Variants in PI4KA observed in about 807,000 individuals in gnomAD.
The protein encoded by PI4KA is phosphatidylinositol 4-kinase alpha.
A neutral mutation model predicts 271.4 loss-of-function variants in PI4KA; 122 were observed. The observed-to-expected ratio is 0.45, with a 90% CI of 0.39 to 0.52. The LOEUF (loss-of-function observed/expected upper bound fraction) is 0.52. Ranked by LOEUF, PI4KA falls within the 20% of genes least tolerant of loss-of-function variation. The pLI is 0.00. For missense variants in PI4KA, 1,969 were observed against 2,769.1 expected, an observed-to-expected ratio of 0.71 and a Z score of 6.48; for synonymous variants, 1,041 against 1,078.8, an observed-to-expected ratio of 0.96 and a Z score of 0.69.
chr22:20,851,303 T>G (rs117686089), intron 1 of PI4KA, among the ~76,000 whole-genome samples: 232 of 152,236 alleles, frequency 1.5e-3, no homozygotes, highest in Non-Finnish European at 3.0e-3. Flanking sequence ...GGTGCCATCT[T>G]TTGCTTTCAT....
At chr22:20,788,083 C>T (rs1934386429) in intron 19 of PI4KA, among the ~76,000 whole-genome samples, 1 of 152,214 alleles carries the variant, frequency 6.6e-6, no homozygotes, top group Non-Finnish European at 1.5e-5. Flanking sequence ...CAAGTGAAAT[C>T]CACAGAGGCT....
At position 20,733,022 on chromosome 22, in the gene PI4KA, C is replaced by A. The variant is rs567743500; in HGVS notation, c.4237G>T (p.Ala1413Ser). Reference protein sequence around the residue: ...DISIMIKFWTAMFSDKKYLTA... With the variant: ...DISIMIKFWTSMFSDKKYLTA... ...AGGTACTTCTTATCTGAGAACATGG[C>A]GGTCCAAAATTTAATCATGATGCTT... Residue 1413 changes from alanine to serine, a missense_variant, in exon 36 of 55, where the codon GCC (alanine) becomes TCC (serine). Around this residue, in one of 13 missense-constraint regions of PI4KA, gnomAD observed 7 missense variants for 33.8 expected, o/e 0.21. Transcript: ENST00000255882. 4.3e-6 allele frequency: 7 copies of A among 1,610,522 alleles called. No homozygotes were observed. The highest frequency in any genetic ancestry group is 1.3e-5 in the African/African-American group (1 of 74,884).
At chr22:20,798,518 A>T (rs1374951941) in intron 17 of PI4KA, 66 bp downstream of exon 17, 9 of 985,628 alleles carry the variant, frequency 9.1e-6, no homozygotes, top group Non-Finnish European at 4.9e-6. Flanking sequence ...CAAATTCACA[A>T]ACCTCACATT....
chr22:20,807,239 C>A (rs1935710084), intron 10 of PI4KA, 123 bp downstream of exon 10: 1 of 640,522 alleles, frequency 1.6e-6, no homozygotes, highest in Admixed American at 2.9e-5. Flanking sequence ...GACCACTTTG[C>A]TCATATGTGT....
chr22:20,790,736 AC>A (rs1934586330), intron 19 of PI4KA, among the ~76,000 whole-genome samples: 16 of 150,556 alleles, frequency 1.1e-4, no homozygotes, highest in African/African-American at 3.4e-4. Flanking sequence ...ACACACACAC[AC>A]ACACAACAAA....
intron 13 of PI4KA, 93 bp downstream of exon 13, chr22:20,803,098 G>A (rs2147609460): frequency 3.1e-6 from 4 of 1,298,482 alleles, no homozygotes; most frequent in Non-Finnish European, 4.4e-6. Context: ...GCGAAGGAAT[G>A]CACCCAGGTA....
At chr22:20,823,058 C>T (rs1170251405) in intron 4 of PI4KA, among the ~76,000 whole-genome samples, 1 of 152,094 alleles carries the variant, frequency 6.6e-6, no homozygotes, top group Admixed American at 6.5e-5. Flanking sequence ...GGATTACAGG[C>T]TCCTGCCACC....
chr22:20,767,331 CT>C (rs1471972855), intron 19 of PI4KA, among the ~76,000 whole-genome samples: 1 of 151,938 alleles, frequency 6.6e-6, no homozygotes, highest in African/African-American at 2.4e-5. Context: ...ATAGTCCCAG[CT>C]ACTCAGGAGG....
At position 20,707,899 on chromosome 22, in the gene PI4KA, G is replaced by A. The variant is rs544406701; in HGVS notation, c.*148C>T. 28 of 782,602 alleles carry A rather than the reference G, an allele frequency of 3.6e-5. 1 individual carries two copies. The highest frequency in any genetic ancestry group is 7.2e-4 in the Middle Eastern group (2 of 2,786). 48.5% of individuals were successfully genotyped at this position (782,602 alleles called of 1,614,324 possible). A position where few individuals can be genotyped will look rare whatever the true frequency, so the allele number is the denominator to read the frequency against. ...GCGTTACCAAGGCTGCGCCACCCACGTGCTGCCCCAGGAGGCGCTACCAGG... is the reference window on the plus strand; with the variant it reads ...GCGTTACCAAGGCTGCGCCACCCACATGCTGCCCCAGGAGGCGCTACCAGG... On this transcript the variant is annotated 3_prime_UTR_variant, in exon 55 of 55. Transcript: ENST00000255882.
chr22:20,798,860 G>A (rs1935129621), intron 16 of PI4KA, 173 bp from the exon 17 acceptor site: 1 of 628,492 alleles, frequency 1.6e-6, no homozygotes, highest in Non-Finnish European at 2.8e-6. Context: ...AAGCTAAAAG[G>A]GACATGGCTT....
chr22:20,824,780 A>ACAC (rs879648415), intron 3 of PI4KA, among the ~76,000 whole-genome samples: 3 of 135,930 alleles, frequency 2.2e-5, no homozygotes, highest in East Asian at 2.2e-4. Context: ...ACACACACAC[A>ACAC]AAACACTCGG....
At position 20,796,554 on chromosome 22, in the gene PI4KA, T is replaced by C. The variant is rs181474610; in HGVS notation, c.2109-240A>G. ...GACTGCAATCCTCTCTCCTGAAATGTAGTAAGGACCTCCAGGAGACTAAGT... is the reference window on the plus strand; with the variant it reads ...GACTGCAATCCTCTCTCCTGAAATGCAGTAAGGACCTCCAGGAGACTAAGT... On this transcript the variant is annotated intron_variant, in intron 17 of 54. Transcript: ENST00000255882. Among the ~76,000 whole-genome samples, 198 of 152,338 alleles carry C rather than the reference T, an allele frequency of 1.3e-3. 2 individuals carry two copies. The highest frequency in any genetic ancestry group is 1.6e-3 in the Admixed American group (24 of 15,306).
At position 20,726,502 on chromosome 22, in the gene PI4KA, G is replaced by A; in HGVS notation, c.4981C>T (p.Leu1661Phe). 1 of 1,571,894 alleles carries A rather than the reference G, an allele frequency of 6.4e-7. No individual in the cohort carries two copies. Among genetic ancestry groups the A allele is most frequent in the Non-Finnish European group, 8.6e-7 (1 of 1,164,468 alleles). The change falls in exon 42 of 55, where the codon CTC (leucine) becomes TTC (phenylalanine). Residue 1661 changes from leucine (L) to phenylalanine (F), a missense_variant. Coordinates refer to ENST00000255882, the MANE Select transcript of PI4KA (RefSeq NM_058004.4). ...TGCAGGCTTACCTTGTCGTACCTGA[G>A]GGCCTGCACAATCTGGGGGATGTAG... Reference protein sequence around the residue: ...LFYIPQIVQALRYDKMGYVRE... With the variant: ...LFYIPQIVQAFRYDKMGYVRE...
At chr22:20,770,531 AAGAG>A (rs1297304585) in intron 19 of PI4KA, among the ~76,000 whole-genome samples, 1 of 100,060 alleles carries the variant, frequency 1.0e-5, no homozygotes, top group African/African-American at 4.4e-5. Context: ...AAAAAAAAAA[AAGAG>A]AGAGAGAGAG....
chr22:20,715,577 C>A lies in PI4KA; in HGVS notation c.5318-877G>T, dbSNP rs868651124. 2.8e-4 allele frequency among the ~76,000 whole-genome samples: 42 copies of A among 150,468 alleles called. No individual in the cohort carries two copies. The Middle Eastern group carries it at 0.011, about 39-fold the overall frequency. On this transcript the variant is annotated intron_variant, in intron 45 of 54. Transcript: ENST00000255882. Reference sequence around the variant, plus strand: ...GCAACCTACGCCTCCCGGGTTCAAGCGATTCTCCTGCCTCAGCCTCCCGAG... The same window carrying A: ...GCAACCTACGCCTCCCGGGTTCAAGAGATTCTCCTGCCTCAGCCTCCCGAG...
rs550148990 is a variant in PI4KA at position 20,717,313 on chromosome 22, T to TG, written c.5317+394dup. Among the ~76,000 whole-genome samples, 25 of 152,074 alleles carry TG rather than the reference T, an allele frequency of 1.6e-4. No homozygotes were observed. In the East Asian group the frequency reaches 2.5e-3, roughly 15 times the overall value. Reference sequence around the variant, plus strand: ...CAGGAGCGACTTCCCATGGAGGCGGTGGGGGGGTGGTGCTGATGGGTCCCA... The same window carrying TG: ...CAGGAGCGACTTCCCATGGAGGCGGTGGGGGGGGTGGTGCTGATGGGTCCCA... On this transcript the variant is annotated intron_variant, in intron 45 of 54. Transcript: ENST00000255882.
At chr22:20,720,328 T>C (rs1485383770) in intron 43 of PI4KA, among the ~76,000 whole-genome samples, 1 of 152,120 alleles carries the variant, frequency 6.6e-6, no homozygotes, top group Non-Finnish European at 1.5e-5. Flanking sequence ...AGTGTTGGGA[T>C]TACAAGCATG....
At chr22:20,739,115 G>T (rs1334351707) in intron 32 of PI4KA, among the ~76,000 whole-genome samples, 5 of 151,664 alleles carry the variant, frequency 3.3e-5, no homozygotes, top group Non-Finnish European at 7.4e-5. Context: ...GGAGGCCGAG[G>T]CGGGCGGATC....
At chr22:20,798,957 A>G (rs1373082745) in intron 16 of PI4KA, 136 bp downstream of exon 16, 7 of 701,322 alleles carry the variant, frequency 1.0e-5, no homozygotes, top group Non-Finnish European at 1.4e-5. Context: ...TATTCTTACT[A>G]CTCCGCATTA....
Sources: gnomAD v4.1 joint callset for allele counts (sites outside exome capture counted in the v4.1 genomes callset) on GRCh38, gnomAD v4.1.1 for gene constraint, gnomAD v4.1.1 regional missense constraint, MANE v1.5 for transcripts, NCBI Gene and HGNC (gene_info 2026-07-23, HGNC 2026-07-21) for gene names.